The following TPH1 variants were observed in gnomAD, a reference collection of about 807,000 sequenced individuals.
TPH1 encodes tryptophan 5-hydroxylase 1.
TPH1 carries 37 observed loss-of-function variants against 49.5 expected under a neutral mutation model. That is an observed-to-expected ratio of 0.75 (90% CI 0.58 to 0.98). The LOEUF (loss-of-function observed/expected upper bound fraction) is 0.98. Ranked by LOEUF, TPH1 falls within the 50% of genes least tolerant of loss-of-function variation. The probability of loss-of-function intolerance (pLI) is 0.00; values close to 1 mark genes in which losing one functional copy is unlikely to be tolerated. For synonymous variants in TPH1, 160 were observed against 182.1 expected, an observed-to-expected ratio of 0.88 and a Z score of 0.98; for missense variants, 487 against 523.6, an observed-to-expected ratio of 0.93 and a Z score of 0.68.
At chr11:18,045,224 C>G (rs1325697209) in intron 1 of TPH1, among the ~76,000 whole-genome samples, 1 of 152,146 alleles carries the variant, frequency 6.6e-6, no homozygotes, top group African/African-American at 2.4e-5. Flanking sequence ...AGGGAATCCT[C>G]TACGGAGTCT....
chr11:18,044,249 C>A (rs1848121901), intron 1 of TPH1, among the ~76,000 whole-genome samples: 1 of 151,988 alleles, frequency 6.6e-6, no homozygotes, highest in Admixed American at 6.6e-5. Flanking sequence ...TGGTGAAACC[C>A]CGTCTCTACT....
intron 7 of TPH1, among the ~76,000 whole-genome samples, chr11:18,026,029 AT>A (rs1180170407): frequency 6.6e-6 from 1 of 151,802 alleles, no homozygotes; most frequent in East Asian, 1.9e-4. Context: ...GCCTTCCCTG[AT>A]CACCCTTTTC....
Position 18,020,934 on chromosome 11 carries a change from A to C in TPH1, c.*57T>G. ...CAGGATCAGGTGTTCAAGGAAAGCA[A>C]GAGATGGCCCAGACCTCCGAATTGA... On this transcript the variant is annotated 3_prime_UTR_variant, in exon 11 of 11. Coordinates refer to ENST00000682019, the MANE Select transcript of TPH1 (RefSeq NM_004179.3). 7.7e-6 allele frequency: 12 copies of C among 1,558,456 alleles called. No individual in the cohort carries two copies. Among genetic ancestry groups the C allele is most frequent in the South Asian group, 1.1e-5 (1 of 89,634 alleles).
chr11:18,037,339 CA>C (rs1848056592), intron 2 of TPH1, among the ~76,000 whole-genome samples: 1 of 136,430 alleles, frequency 7.3e-6, no homozygotes, highest in South Asian at 2.3e-4. Context: ...GCCTGGGTGA[CA>C]AAGTGAGACC....
chr11:18,035,591 G>A (rs1306484263), intron 3 of TPH1, among the ~76,000 whole-genome samples: 1 of 151,772 alleles, frequency 6.6e-6, no homozygotes, highest in East Asian at 1.9e-4. Context: ...ACCACACCTG[G>A]CTAGTTTTTG....
At chr11:18,045,959 T>C (rs1564861372) in intron 1 of TPH1, among the ~76,000 whole-genome samples, 1 of 152,146 alleles carries the variant, frequency 6.6e-6, no homozygotes, top group Non-Finnish European at 1.5e-5. Context: ...ACTCAAGAAA[T>C]ATCTACCAGA....
chr11:18,018,665 CAAAAAAAAAAAAAAAAAAAAAAAAAAAAA>C lies in TPH1; in HGVS notation c.*2297_*2325del, dbSNP rs57390279. The C allele has an allele frequency of 8.1e-5, 3 of 37,038 alleles. No homozygotes were observed. The South Asian group carries it at 5.1e-3, about 63-fold the overall frequency. The allele number at this position is 37,038 out of a possible 1,614,324, so 2.3% of individuals were successfully genotyped here. On this transcript the variant is annotated 3_prime_UTR_variant, in exon 11 of 11. Coordinates refer to ENST00000682019, the MANE Select transcript of TPH1 (RefSeq NM_004179.3). ...TGGGCGACAGAGCAAGACTCCGTCT[CAAAAAAAAAAAAAAAAAAAAAAAAAAAAA>C]AAAAAAAAAAAAAATTCCATTGTTC...
At chr11:18,041,605 G>A (rs1174716442) in intron 1 of TPH1, among the ~76,000 whole-genome samples, 1 of 152,116 alleles carries the variant, frequency 6.6e-6, no homozygotes, top group African/African-American at 2.4e-5. Flanking sequence ...TTTCCTCACG[G>A]AAGAAACTAG....
chr11:18,038,921 G>A (rs1446608350), intron 2 of TPH1, among the ~76,000 whole-genome samples: 3 of 151,980 alleles, frequency 2.0e-5, no homozygotes, highest in Non-Finnish European at 4.4e-5. Flanking sequence ...GGAAGGGAGG[G>A]AGGTGGTATC....
intron 9 of TPH1, among the ~76,000 whole-genome samples, chr11:18,023,379 A>G (rs1479624463): frequency 1.3e-5 from 2 of 152,196 alleles, no homozygotes; most frequent in Non-Finnish European, 2.9e-5. Context: ...AATAAATCTC[A>G]AAGAATTCCC....
Position 18,029,592 on chromosome 11 carries a change from G to T in TPH1, c.403-13C>A, listed in dbSNP as rs1306262481. On this transcript the variant is annotated splice_polypyrimidine_tract_variant and intron_variant, in intron 4 of 10. Coordinates refer to ENST00000682019, the MANE Select transcript of TPH1 (RefSeq NM_004179.3). ...TGTCTTTGAAGCCCTGATAATTAAA[G>T]ATATGTTTTTAAATATCCATACTAA... 6.2e-7 allele frequency: 1 copy of T among 1,605,046 alleles called. No individual in the cohort carries two copies.
At chr11:18,031,295 T>TATTC (rs1269552414) in intron 4 of TPH1, among the ~76,000 whole-genome samples, 1 of 152,218 alleles carries the variant, frequency 6.6e-6, no homozygotes, top group Non-Finnish European at 1.5e-5. Context: ...CACATACCAG[T>TATTC]ATTCCATCTC....
intron 10 of TPH1, among the ~76,000 whole-genome samples, 182 bp from the exon 11 acceptor site, chr11:18,021,347 G>T (rs2134024299): frequency 6.6e-6 from 1 of 152,312 alleles, no homozygotes; most frequent in East Asian, 1.9e-4. Context: ...TCCCACACAA[G>T]TGGGAAACCT....
At position 18,023,923 on chromosome 11, in the gene TPH1, CAA is replaced by C. The variant is rs759131795; in HGVS notation, c.989_990del (p.Phe330TrpfsTer10). 2 of 1,613,298 alleles carry C rather than the reference CAA, an allele frequency of 1.2e-6. No individual in the cohort carries two copies. Among genetic ancestry groups the C allele is most frequent in the African/African-American group, 1.3e-5 (1 of 74,870 alleles). On this transcript the variant is annotated frameshift_variant, in exon 9 of 11. Transcript: ENST00000682019. LOFTEE classifies it high-confidence loss of function. ...LCKQDGQLRV[F>X]GAGLLSSISE... ...CTGATAGAAGAAAGTAAGCCAGCAC[CAA>C]AGACTCTTAGCTGTCCATCTTGTTT... is the stretch of plus-strand genomic sequence containing the variant.
chr11:18,029,432 A>G (rs1030495179), intron 5 of TPH1, 71 bp from the exon 6 acceptor site: 39 of 1,563,184 alleles, frequency 2.5e-5, no homozygotes, highest in Non-Finnish European at 3.1e-5. Context: ...TTCACTTTCT[A>G]CTTACCAAAT....
chr11:18,030,482 A>C (rs531469010), intron 4 of TPH1, among the ~76,000 whole-genome samples: 1 of 152,182 alleles, frequency 6.6e-6, no homozygotes, highest in East Asian at 1.9e-4. Context: ...ATGGGAAAGA[A>C]GGGGACATCT....
chr11:18,040,382 G>T (rs7926900), intron 2 of TPH1, among the ~76,000 whole-genome samples: 8,700 of 147,600 alleles, frequency 0.059, 882 homozygotes, highest in African/African-American at 0.2. Context: ...TATATATATA[G>T]AGAGAAAATC....
chr11:18,044,285 G>A (rs567171604), intron 1 of TPH1, among the ~76,000 whole-genome samples: 1 of 151,864 alleles, frequency 6.6e-6, no homozygotes, highest in Non-Finnish European at 1.5e-5. Flanking sequence ...GGCTGGGTGT[G>A]GTGGCGGGCG....
chr11:18,044,442 A>T (rs1341844573), intron 1 of TPH1, among the ~76,000 whole-genome samples: 1 of 151,970 alleles, frequency 6.6e-6, no homozygotes, highest in Non-Finnish European at 1.5e-5. Flanking sequence ...ATGTGGAAAC[A>T]CTCCTCCTTG....
Sources: allele counts gnomAD v4.1 joint callset (sites outside exome capture counted in the v4.1 genomes callset), GRCh38; gene constraint gnomAD v4.1.1; transcripts MANE v1.5; gene names NCBI Gene and HGNC (gene_info 2026-07-23, HGNC 2026-07-21).